The following KCNQ3 variants were observed in gnomAD, a reference collection of about 807,000 sequenced individuals.
KCNQ3 encodes the protein potassium voltage-gated channel subfamily KQT member 3.
Under a neutral mutation model 92.5 loss-of-function variants are expected in KCNQ3, and 30 were observed. The observed-to-expected ratio is 0.32, with a 90% CI of 0.24 to 0.44. KCNQ3 has a LOEUF of 0.44. Among genes scored for constraint, KCNQ3 ranks in the 20% least tolerant of loss-of-function variants. The pLI is 1.00. For synonymous variants in KCNQ3, 450 were observed against 468.8 expected (o/e 0.96, Z 0.52); for missense variants, 913 against 1,140.3 (o/e 0.80, Z 2.87).
chr8:132,344,981 G>A (rs1818640444), intron 1 of KCNQ3, among the ~76,000 whole-genome samples: 1 of 152,118 alleles, frequency 6.6e-6, no homozygotes, highest in Admixed American at 6.5e-5. Context: ...GTCTCTCAAG[G>A]TCAACTTTCA....
At chr8:132,186,349 C>G (rs147073526) in intron 1 of KCNQ3, among the ~76,000 whole-genome samples, 168 bp from the exon 2 acceptor site, 1 of 152,184 alleles carries the variant, frequency 6.6e-6, no homozygotes, top group Admixed American at 6.5e-5. Flanking sequence ...GCAAGGCAGG[C>G]GGAAACAATC....
At chr8:132,230,712 T>C (rs1224016104) in intron 1 of KCNQ3, among the ~76,000 whole-genome samples, 1 of 152,228 alleles carries the variant, frequency 6.6e-6, no homozygotes, top group Non-Finnish European at 1.5e-5. Context: ...TCACTGGTTG[T>C]TTCCAAACTG....
intron 1 of KCNQ3, among the ~76,000 whole-genome samples, chr8:132,228,857 TTG>T (rs1814528056): frequency 1.3e-5 from 2 of 152,070 alleles, no homozygotes; most frequent in African/African-American, 4.8e-5. Context: ...GCTTCATGCA[TTG>T]TGTTAGTGAG....
intron 1 of KCNQ3, among the ~76,000 whole-genome samples, chr8:132,188,521 G>A (rs1467843849): frequency 6.6e-6 from 1 of 152,200 alleles, no homozygotes; most frequent in African/African-American, 2.4e-5. Flanking sequence ...TTCCTTCTGT[G>A]TAAAATGAAT....
chr8:132,321,927 C>T (rs73710537), intron 1 of KCNQ3, among the ~76,000 whole-genome samples: 30,939 of 152,120 alleles, frequency 0.2, 3,304 homozygotes, highest in Non-Finnish European at 0.25. Flanking sequence ...TTCACAGTCC[C>T]CCCTACTGCC....
intron 9 of KCNQ3, among the ~76,000 whole-genome samples, chr8:132,149,810 C>G (rs1396531385): frequency 1.3e-5 from 2 of 152,120 alleles, no homozygotes; most frequent in Non-Finnish European, 2.9e-5. Flanking sequence ...TAAGTATGAG[C>G]CACAACTGCT....
At chr8:132,286,709 T>C (rs2130543562) in intron 1 of KCNQ3, among the ~76,000 whole-genome samples, 1 of 152,322 alleles carries the variant, frequency 6.6e-6, no homozygotes, top group Admixed American at 6.5e-5. Context: ...TTAGATGTAA[T>C]TTGTCACTGT....
chr8:132,443,390 G>T (rs556899503), intron 1 of KCNQ3, among the ~76,000 whole-genome samples: 61 of 152,156 alleles, frequency 4.0e-4, no homozygotes, highest in Middle Eastern at 3.4e-3. Context: ...CTTTAATTGG[G>T]TAGTTTCTAG....
intron 1 of KCNQ3, among the ~76,000 whole-genome samples, chr8:132,352,278 T>A (rs534784445): frequency 1.3e-5 from 2 of 152,184 alleles, no homozygotes; most frequent in South Asian, 4.2e-4. Context: ...AAAGGGATGA[T>A]CTTGACCCCC....
intron 1 of KCNQ3, among the ~76,000 whole-genome samples, chr8:132,257,236 A>G (rs1815619669): frequency 6.6e-6 from 1 of 152,168 alleles, no homozygotes; most frequent in African/African-American, 2.4e-5. Flanking sequence ...ACAACTTTAA[A>G]AAGTAGTTTA....
intron 1 of KCNQ3, among the ~76,000 whole-genome samples, chr8:132,235,272 G>T (rs60916568): frequency 6.6e-6 from 1 of 151,912 alleles, no homozygotes; most frequent in African/African-American, 2.4e-5. Flanking sequence ...GCCAAGGGTG[G>T]GGGGGGAATC....
intron 1 of KCNQ3, among the ~76,000 whole-genome samples, chr8:132,309,429 T>C (rs772608312): frequency 1.3e-5 from 2 of 152,206 alleles, no homozygotes; most frequent in Non-Finnish European, 2.9e-5. Context: ...ACATTTGAGT[T>C]AGAGGCAAAT....
intron 1 of KCNQ3, among the ~76,000 whole-genome samples, chr8:132,220,845 T>C (rs1265187433): frequency 6.6e-6 from 1 of 152,178 alleles, no homozygotes; most frequent in Non-Finnish European, 1.5e-5. Flanking sequence ...CTTTAAGTTC[T>C]AGGGTACATG....
intron 1 of KCNQ3, among the ~76,000 whole-genome samples, chr8:132,280,668 T>A (rs1816485846): frequency 6.6e-6 from 1 of 152,134 alleles, no homozygotes; most frequent in East Asian, 1.9e-4. Context: ...GGAGATGACA[T>A]TTAAGCTGAG....
chr8:132,154,705 G>A (rs1259574112), intron 9 of KCNQ3, among the ~76,000 whole-genome samples: 1 of 152,126 alleles, frequency 6.6e-6, no homozygotes, highest in Non-Finnish European at 1.5e-5. Context: ...GTGGTGACCT[G>A]GGATTCCAAC....
intron 1 of KCNQ3, among the ~76,000 whole-genome samples, chr8:132,373,961 C>T (rs149548557): frequency 6.6e-5 from 10 of 152,228 alleles, no homozygotes; most frequent in East Asian, 5.8e-4. Flanking sequence ...TGGGTACCAG[C>T]GTCTGAGTCT....
Position 132,195,573 on chromosome 8 carries a change from C to T in KCNQ3, c.387-9392G>A, listed in dbSNP as rs562504554. On this transcript the variant is annotated intron_variant, in intron 1 of 14. Coordinates refer to ENST00000388996, the MANE Select transcript of KCNQ3 (RefSeq NM_004519.4). Reference sequence around the variant, plus strand: ...TTCACCATGTAGTCATCGGTACATGCCTTCCAGTACCATTTTTCTAAGCAA... The same window carrying T: ...TTCACCATGTAGTCATCGGTACATGTCTTCCAGTACCATTTTTCTAAGCAA... Among the ~76,000 whole-genome samples the T allele has an allele frequency of 6.6e-5, 10 of 152,224 alleles. No homozygotes were observed. The South Asian group carries it at 2.1e-3, about 32-fold the overall frequency.
chr8:132,178,750 G>A (rs910349658), intron 4 of KCNQ3, among the ~76,000 whole-genome samples: 5 of 151,906 alleles, frequency 3.3e-5, no homozygotes, highest in African/African-American at 1.2e-4. Flanking sequence ...GTGAAGGTAT[G>A]TTCTGGAGCT....
chr8:132,396,091 A>G (rs991922817), intron 1 of KCNQ3, among the ~76,000 whole-genome samples: 2 of 152,196 alleles, frequency 1.3e-5, no homozygotes, highest in African/African-American at 2.4e-5. Flanking sequence ...TGAGGATTAG[A>G]GGAGATGGCG....
Sources: allele counts gnomAD v4.1 joint callset (sites outside exome capture counted in the v4.1 genomes callset), GRCh38; gene constraint gnomAD v4.1.1; transcripts MANE v1.5; gene names NCBI Gene and HGNC (gene_info 2026-07-23, HGNC 2026-07-21).